The following DCAF6 variants were observed in gnomAD, a reference collection of about 807,000 sequenced individuals.
The protein encoded by DCAF6 is DDB1 and CUL4 associated factor 6.
Under a neutral mutation model 125.1 loss-of-function variants are expected in DCAF6, and 54 were observed. The ratio of observed to expected loss-of-function variants is 0.43; its 90% CI spans 0.35 to 0.54. The LOEUF (loss-of-function observed/expected upper bound fraction) is 0.54. DCAF6 is among the 20% of genes least tolerant of loss of function. DCAF6 has a pLI of 0.01. For missense variants in DCAF6, 934 were observed against 1,161.7 expected (o/e 0.80, Z 2.85); for synonymous variants, 371 against 390.4 (o/e 0.95, Z 0.58).
At chr1:167,989,420 TA>T (rs1680512773) in intron 5 of DCAF6, among the ~76,000 whole-genome samples, 1 of 152,160 alleles carries the variant, frequency 6.6e-6, no homozygotes, top group Non-Finnish European at 1.5e-5. Context: ...CCTTTATGTA[TA>T]AAAGTGAAAT....
chr1:168,019,582 G>A (rs1183782570), intron 11 of DCAF6: 3 of 455,828 alleles, frequency 6.6e-6, no homozygotes, highest in Non-Finnish European at 1.3e-5. Context: ...CCTGCTCAGA[G>A]TGACAGCACC....
intron 14 of DCAF6, among the ~76,000 whole-genome samples, chr1:168,043,671 T>C (rs1688819133): frequency 6.6e-6 from 1 of 152,146 alleles, no homozygotes; most frequent in African/African-American, 2.4e-5. Context: ...AAATGCTTGA[T>C]TAATGAAGGA....
At chr1:168,068,527 T>C in intron 21 of DCAF6, 64 bp downstream of exon 21, 1 of 880,148 alleles carries the variant, frequency 1.1e-6, no homozygotes, top group Non-Finnish European at 1.6e-6. Context: ...TTATTTAAGA[T>C]CTGCTTTAAA....
intron 12 of DCAF6, among the ~76,000 whole-genome samples, chr1:168,034,880 A>G (rs1482795014): frequency 1.3e-5 from 2 of 152,226 alleles, no homozygotes; most frequent in East Asian, 3.8e-4. Context: ...GAAGTTGGGA[A>G]CATTTAAATA....
At chr1:168,021,844 G>A (rs202263) in intron 11 of DCAF6, among the ~76,000 whole-genome samples, 106,024 of 152,038 alleles carry the variant, frequency 0.7, 37,940 homozygotes, top group African/African-American at 0.86. Flanking sequence ...CCAGCTAAGG[G>A]CAATCTTAAA....
chr1:167,975,967 T>G (rs1230005075), intron 4 of DCAF6, among the ~76,000 whole-genome samples: 2 of 152,220 alleles, frequency 1.3e-5, no homozygotes, highest in Non-Finnish European at 2.9e-5. Flanking sequence ...ATTCCAGTTC[T>G]TTTATGTCCT....
At chr1:167,915,336 TAA>T in the DCAF6 span, among the ~76,000 whole-genome samples, 1 of 152,246 alleles carries the variant, frequency 6.6e-6, no homozygotes, top group African/African-American at 2.4e-5. Flanking sequence ...TTTTCTGCTA[TAA>T]AGTTATTAGT....
At chr1:168,025,183 T>G (rs1412604324) in intron 12 of DCAF6, among the ~76,000 whole-genome samples, 1 of 152,156 alleles carries the variant, frequency 6.6e-6, no homozygotes, top group Non-Finnish European at 1.5e-5. Context: ...CATACAATAA[T>G]TTTCATAGCA....
the DCAF6 span, among the ~76,000 whole-genome samples, chr1:167,911,526 C>T: frequency 3.9e-5 from 6 of 152,132 alleles, no homozygotes; most frequent in African/African-American, 1.4e-4. Flanking sequence ...TCTCCTCTAC[C>T]TTTGCCTCTT....
At chr1:167,878,539 G>A in the DCAF6 span, 2 of 1,614,144 alleles carry the variant, frequency 1.2e-6, no homozygotes, top group Non-Finnish European at 1.7e-6. Context: ...AAAGTACGCT[G>A]GTAGGTTGCT....
chr1:167,918,261 T>TAAAAGGAAA, the DCAF6 span: 10 of 1,345,500 alleles, frequency 7.4e-6, no homozygotes, highest in Non-Finnish European at 1.0e-5. Context: ...AATAACCAAA[T>TAAAAGGAAA]AATAAACTAG....
chr1:168,045,127 GA>G lies in DCAF6; in HGVS notation c.2161del (p.Thr721HisfsTer20). The G allele has an allele frequency of 6.2e-7, 1 of 1,614,024 alleles. No homozygotes were observed. Among genetic ancestry groups the G allele is most frequent in the Non-Finnish European group, 8.5e-7 (1 of 1,179,934 alleles). On this transcript the variant is annotated frameshift_variant, in exon 16 of 22. Transcript: ENST00000367840. LOFTEE classifies it high-confidence loss of function. ...TEATGPSAHE[E>X]TSTRDSALQD... Reference sequence around the variant, plus strand: ...AGCCACTGGGCCTTCAGCTCATGAAGAAACATCCACCAGGGACTCTGCTCTT... The same window carrying G: ...AGCCACTGGGCCTTCAGCTCATGAAGAACATCCACCAGGGACTCTGCTCTT...
chr1:167,937,024 G>A lies in DCAF6; in HGVS notation c.97+16G>A. The A allele has an allele frequency of 6.3e-7, 1 of 1,599,478 alleles. No homozygotes were observed. The highest frequency in any genetic ancestry group is 8.5e-7 in the Non-Finnish European group (1 of 1,173,078). On this transcript the variant is annotated intron_variant, in intron 1 of 21. Transcript: ENST00000367840. ...CGCTACCTGGGTGAGCGGGGGCCCC[G>A]GGGCGGAGGCGCTGAGGTCGCCGCC...
chr1:168,011,744 G>A (rs527326045), intron 10 of DCAF6, among the ~76,000 whole-genome samples: 22 of 152,208 alleles, frequency 1.4e-4, no homozygotes, highest in Middle Eastern at 3.4e-3. Context: ...TTGGAAGGCC[G>A]AGGTGGGTGG....
At chr1:167,953,962 A>AG (rs1289866588) in intron 2 of DCAF6, among the ~76,000 whole-genome samples, 1 of 151,888 alleles carries the variant, frequency 6.6e-6, no homozygotes, top group Non-Finnish European at 1.5e-5. Flanking sequence ...TGGTGATCTG[A>AG]GTGGATACAG....
chr1:167,992,252 T>TACACACACAC (rs761598229), intron 6 of DCAF6, among the ~76,000 whole-genome samples: 249 of 143,184 alleles, frequency 1.7e-3, no homozygotes, highest in Non-Finnish European at 2.5e-3. Flanking sequence ...AGGCCAGGAT[T>TACACACACAC]ACACACACAC....
chr1:167,945,743 A>G (rs1449401649), intron 1 of DCAF6, among the ~76,000 whole-genome samples: 1 of 149,874 alleles, frequency 6.7e-6, no homozygotes, highest in Non-Finnish European at 1.5e-5. Flanking sequence ...CTTGTGATCC[A>G]CCCACCTTGG....
the DCAF6 span, among the ~76,000 whole-genome samples, chr1:167,907,512 A>T: frequency 6.6e-6 from 1 of 152,178 alleles, no homozygotes; most frequent in Non-Finnish European, 1.5e-5. Context: ...CTACTCCCAG[A>T]AGTGACGTAT....
rs115500630 is a variant in DCAF6 at position 168,017,251 on chromosome 1, G to A, written c.1549+1300G>A. 2.2e-3 allele frequency among the ~76,000 whole-genome samples: 325 copies of A among 149,946 alleles called. 1 individual carries two copies. The highest frequency in any genetic ancestry group is 5.8e-3 in the Admixed American group (87 of 15,088). Reference sequence around the variant, plus strand: ...GTTTTTTTTTTTGCTGTATATAAACGTCTAGCAAACATGTTTTGAAGGTTA... The same window carrying A: ...GTTTTTTTTTTTGCTGTATATAAACATCTAGCAAACATGTTTTGAAGGTTA... On this transcript the variant is annotated intron_variant, in intron 11 of 21. Transcript: ENST00000367840.
Sources: gnomAD v4.1 joint callset for allele counts (sites outside exome capture counted in the v4.1 genomes callset) on GRCh38, gnomAD v4.1.1 for gene constraint, MANE v1.5 for transcripts, NCBI Gene and HGNC (gene_info 2026-07-23, HGNC 2026-07-21) for gene names.